RBFOX1: variants seen among roughly 807,000 people sequenced by gnomAD.
The protein encoded by RBFOX1 is RNA binding protein fox-1 homolog 1.
Under a neutral mutation model 57.7 loss-of-function variants are expected in RBFOX1, and 8 were observed. The ratio of observed to expected loss-of-function variants is 0.14; its 90% CI spans 0.08 to 0.25. The LOEUF (loss-of-function observed/expected upper bound fraction) is 0.25. RBFOX1 is among the 10% of genes least tolerant of loss of function. The pLI is 1.00. For synonymous variants in RBFOX1, 326 were observed against 222.4 expected, an observed-to-expected ratio of 1.47 and a Z score of -4.15; for missense variants, 611 against 548.5, an observed-to-expected ratio of 1.11 and a Z score of -1.14.
chr16:7,326,588 G>A (rs1237341309), intron 4 of RBFOX1, among the ~76,000 whole-genome samples: 1 of 152,122 alleles, frequency 6.6e-6, no homozygotes, highest in Non-Finnish European at 1.5e-5. Context: ...TGCCTTCCAA[G>A]CACCAGGAAC....
In RBFOX1 at chr16:6,576,366, G is replaced by A. The variant is rs1313124558; in HGVS notation, c.-63-78237G>A. 2.6e-5 allele frequency among the ~76,000 whole-genome samples: 4 copies of A among 152,318 alleles called. No homozygotes were observed. The East Asian group carries it at 7.7e-4, about 29-fold the overall frequency. On this transcript the variant is annotated intron_variant, in intron 2 of 15. Coordinates refer to ENST00000550418, the MANE Select transcript of RBFOX1 (RefSeq NM_018723.4). The stretch of plus-strand genomic sequence containing the variant: ...GTGGGAGGAAACCGGAGTACCCGGA[G>A]AAAACCTACGCAGACATGGGGAGAA...
At chr16:6,562,490 A>G (rs1447060298) in intron 2 of RBFOX1, among the ~76,000 whole-genome samples, 1 of 152,252 alleles carries the variant, frequency 6.6e-6, no homozygotes, top group South Asian at 2.1e-4. Context: ...TATATGTAGC[A>G]GGATTAGCAA....
At chr16:6,843,383 C>G (rs2093593656) in intron 3 of RBFOX1, among the ~76,000 whole-genome samples, 1 of 152,048 alleles carries the variant, frequency 6.6e-6, no homozygotes. Flanking sequence ...ATAGCCCAAT[C>G]TTATTTTCAG....
chr16:5,579,994 C>A (rs1035944356), intron 2 of RBFOX1, among the ~76,000 whole-genome samples: 2 of 152,094 alleles, frequency 1.3e-5, no homozygotes, highest in African/African-American at 4.8e-5. Context: ...TGGTCTTGAA[C>A]CCCTGACCTC....
intron 1 of RBFOX1, among the ~76,000 whole-genome samples, chr16:6,158,114 A>C (rs1197205669): frequency 6.6e-6 from 1 of 152,160 alleles, no homozygotes; most frequent in East Asian, 1.9e-4. Flanking sequence ...GCTTTTACAA[A>C]ATGAAAGTGG....
At chr16:5,552,444 G>T (rs555954659) in intron 2 of RBFOX1, among the ~76,000 whole-genome samples, 1 of 152,286 alleles carries the variant, frequency 6.6e-6, no homozygotes, top group South Asian at 2.1e-4. Context: ...AAGAGGTGCG[G>T]GATGTTTTAG....
intron 1 of RBFOX1, among the ~76,000 whole-genome samples, chr16:6,039,155 G>A (rs2095408592): frequency 6.6e-6 from 1 of 151,968 alleles, no homozygotes; most frequent in African/African-American, 2.4e-5. Flanking sequence ...AAACCAGCTG[G>A]GATGCATGAG....
At chr16:6,903,238 T>C (rs1186920912) in intron 3 of RBFOX1, among the ~76,000 whole-genome samples, 1 of 152,252 alleles carries the variant, frequency 6.6e-6, no homozygotes, top group East Asian at 1.9e-4. Context: ...ACAAGCTATT[T>C]AGAGGCCATT....
chr16:7,041,461 T>C (rs1313208574), intron 3 of RBFOX1, among the ~76,000 whole-genome samples: 2 of 152,170 alleles, frequency 1.3e-5, no homozygotes, highest in African/African-American at 2.4e-5. Flanking sequence ...TTGTGGACAT[T>C]GGCATTCTTC....
intron 3 of RBFOX1, among the ~76,000 whole-genome samples, chr16:6,976,886 A>T (rs1266110433): frequency 6.9e-6 from 1 of 145,562 alleles, no homozygotes; most frequent in Non-Finnish European, 1.5e-5. Context: ...TATCCATATC[A>T]CATATATGGT....
Position 6,732,128 on chromosome 16 carries a change from A to C in RBFOX1, c.-16+77478A>C, listed in dbSNP as rs147182735. ...TTCCCTTTGCATCTGATTCTTCTGC[A>C]TAGTTTCTGGTCTCTTTCCCCTATA... On this transcript the variant is annotated intron_variant, in intron 3 of 15. Coordinates refer to ENST00000550418, the MANE Select transcript of RBFOX1 (RefSeq NM_018723.4). Among the ~76,000 whole-genome samples the C allele has an allele frequency of 3.3e-5, 5 of 152,086 alleles. No homozygotes were observed. In the East Asian group the frequency reaches 9.7e-4, roughly 29 times the overall value.
intron 4 of RBFOX1, among the ~76,000 whole-genome samples, chr16:5,874,336 G>C (rs966027546): frequency 1.3e-5 from 2 of 152,164 alleles, no homozygotes; most frequent in Non-Finnish European, 2.9e-5. Flanking sequence ...GCAGAGGCTT[G>C]GGTATATTGT....
chr16:6,017,653 T>A (rs1372741786), upstream of RBFOX1, among the ~76,000 whole-genome samples: 1 of 152,224 alleles, frequency 6.6e-6, no homozygotes, highest in African/African-American at 2.4e-5. Context: ...GCAAACTTAC[T>A]TTTTCAAATG....
intron 3 of RBFOX1, among the ~76,000 whole-genome samples, chr16:6,767,596 C>A (rs1044685683): frequency 6.6e-6 from 1 of 152,022 alleles, no homozygotes; most frequent in Admixed American, 6.6e-5. Flanking sequence ...ATAAATCTTT[C>A]AAATCCCAAA....
chr16:7,031,868 A>G (rs2042888898), intron 3 of RBFOX1, among the ~76,000 whole-genome samples: 1 of 152,156 alleles, frequency 6.6e-6, no homozygotes, highest in Admixed American at 6.5e-5. Context: ...AGGGAGCTCC[A>G]CTACCTTGCC....
intron 4 of RBFOX1, among the ~76,000 whole-genome samples, chr16:6,008,582 G>A (rs997521143): frequency 6.6e-6 from 1 of 152,108 alleles, no homozygotes; most frequent in Non-Finnish European, 1.5e-5. Flanking sequence ...TGAAGGAGCT[G>A]GAGTCATATC....
At chr16:7,263,098 C>G (rs1443339077) in intron 4 of RBFOX1, among the ~76,000 whole-genome samples, 4 of 152,196 alleles carry the variant, frequency 2.6e-5, no homozygotes, top group Non-Finnish European at 5.9e-5. Flanking sequence ...AGCCCTTATT[C>G]CTTGGTGAGT....
chr16:7,165,953 C>CAT (rs1389305086), intron 4 of RBFOX1, among the ~76,000 whole-genome samples: 1 of 87,136 alleles, frequency 1.1e-5, no homozygotes, highest in Non-Finnish European at 2.1e-5. Context: ...CACACACACA[C>CAT]ACACACACAC....
At chr16:6,098,570 A>G (rs1483800651) in intron 1 of RBFOX1, among the ~76,000 whole-genome samples, 1 of 152,246 alleles carries the variant, frequency 6.6e-6, no homozygotes, top group African/African-American at 2.4e-5. Flanking sequence ...TTAGTCCTGC[A>G]GAAACCCTGC....
Sources: gnomAD v4.1 joint callset for allele counts (sites outside exome capture counted in the v4.1 genomes callset) on GRCh38, gnomAD v4.1.1 for gene constraint, MANE v1.5 for transcripts, NCBI Gene and HGNC (gene_info 2026-07-23, HGNC 2026-07-21) for gene names.